Variants in RBMS1 observed in about 807,000 individuals in gnomAD.
The protein encoded by RBMS1 is RNA binding motif single stranded interacting protein 1, also known as RNA-binding motif, single-stranded-interacting protein 1.
Under a neutral mutation model 62.3 loss-of-function variants are expected in RBMS1, and 17 were observed. The observed-to-expected ratio is 0.27, with a 90% confidence interval of 0.19 to 0.41. The LOEUF is 0.41. Ranked by LOEUF, RBMS1 falls within the 10% of genes least tolerant of loss-of-function variation. RBMS1 has a pLI of 1.00. For synonymous variants in RBMS1, 172 were observed against 170.0 expected (o/e 1.01, Z -0.09); for missense variants, 334 against 504.5 (o/e 0.66, Z 3.24).
chr2:160,319,860 T>C (rs1273853905), intron 2 of RBMS1, among the ~76,000 whole-genome samples: 1 of 152,198 alleles, frequency 6.6e-6, no homozygotes, highest in East Asian at 1.9e-4. Flanking sequence ...GTTCACTCTG[T>C]GTAATCATGT....
At chr2:160,405,308 T>G (rs1370728619) in intron 1 of RBMS1, among the ~76,000 whole-genome samples, 1 of 152,098 alleles carries the variant, frequency 6.6e-6, no homozygotes, top group Non-Finnish European at 1.5e-5. Context: ...CAGCTGATTA[T>G]GTATTTCTAG....
chr2:160,338,982 G>A (rs1691724127), intron 2 of RBMS1, among the ~76,000 whole-genome samples: 1 of 152,170 alleles, frequency 6.6e-6, no homozygotes, highest in Non-Finnish European at 1.5e-5. Flanking sequence ...TTTATGAACA[G>A]AGAACACTGA....
At chr2:160,300,551 GAA>G in intron 6 of RBMS1, 98 bp downstream of exon 6, 2 of 1,380,410 alleles carry the variant, frequency 1.4e-6, no homozygotes, top group Non-Finnish European at 1.9e-6. Context: ...CTTAAAGAGT[GAA>G]ATGAGGGGTT....
At chr2:160,353,292 A>T (rs551856436) in intron 2 of RBMS1, among the ~76,000 whole-genome samples, 1 of 152,194 alleles carries the variant, frequency 6.6e-6, no homozygotes, top group East Asian at 1.9e-4. Flanking sequence ...TCTCTTAAAC[A>T]TGTCAGGAGA....
At position 160,273,585 on chromosome 2, in the gene RBMS1, C is replaced by CA. The variant is rs1687680199; in HGVS notation, c.*1186_*1187insT. 1 of 152,142 alleles carries CA rather than the reference C, an allele frequency of 6.6e-6. No homozygotes were observed. The allele number at this position is 152,142 out of a possible 1,614,324, so 9.4% of individuals were successfully genotyped here. On this transcript the variant is annotated 3_prime_UTR_variant, in exon 14 of 14. Coordinates refer to ENST00000348849, the MANE Select transcript of RBMS1 (RefSeq NM_016836.4). The stretch of plus-strand genomic sequence containing the variant: ...GCTTATGTTTGAAGATAAATCCTTA[C>CA]TTTTAGCTTTTGCCACTTTGTTGCA...
chr2:160,422,717 A>G (rs1185632676), intron 1 of RBMS1, among the ~76,000 whole-genome samples: 2 of 150,912 alleles, frequency 1.3e-5, no homozygotes, highest in African/African-American at 2.4e-5. Flanking sequence ...AGTGCCTGGT[A>G]TTCATAGCCC....
intron 9 of RBMS1, chr2:160,282,981 G>A (rs1688182789): frequency 1.3e-5 from 2 of 152,148 alleles, no homozygotes; most frequent in African/African-American, 2.4e-5. Flanking sequence ...AGAATGCCCA[G>A]GAGAGGAAAT....
chr2:160,305,601 A>G (rs1315218750), intron 4 of RBMS1, among the ~76,000 whole-genome samples: 1 of 152,160 alleles, frequency 6.6e-6, no homozygotes, highest in African/African-American at 2.4e-5. Context: ...TAAGCAACAC[A>G]TGATTGCACA....
intron 2 of RBMS1, among the ~76,000 whole-genome samples, chr2:160,344,502 T>C: frequency 6.6e-6 from 1 of 152,174 alleles, no homozygotes; most frequent in African/African-American, 2.4e-5. Context: ...AGAAGTTGTT[T>C]CATTCTTAAT....
At chr2:160,373,277 G>A (rs138805996) in intron 1 of RBMS1, among the ~76,000 whole-genome samples, 133 of 152,296 alleles carry the variant, frequency 8.7e-4, no homozygotes, top group African/African-American at 3.2e-3. Context: ...ATGTAAAACT[G>A]CAATCTCCAC....
chr2:160,351,716 A>G (rs927913379), intron 2 of RBMS1, among the ~76,000 whole-genome samples: 1 of 152,124 alleles, frequency 6.6e-6, no homozygotes, highest in Admixed American at 6.6e-5. Flanking sequence ...CCATTAAGAG[A>G]AGGGACCAGA....
intron 1 of RBMS1, among the ~76,000 whole-genome samples, chr2:160,398,760 A>G (rs1695279910): frequency 6.6e-6 from 1 of 152,312 alleles, no homozygotes; most frequent in Admixed American, 6.5e-5. Context: ...CCCCAGAGCA[A>G]AAAAGGTTGC....
At chr2:160,485,933 A>G (rs1685583598) in intron 1 of RBMS1, among the ~76,000 whole-genome samples, 2 of 152,146 alleles carry the variant, frequency 1.3e-5, no homozygotes, top group Admixed American at 1.3e-4. Flanking sequence ...TTCTTTTTAT[A>G]AATGTCTGCA....
chr2:160,472,917 T>A (rs944877801), intron 1 of RBMS1, among the ~76,000 whole-genome samples: 1 of 152,234 alleles, frequency 6.6e-6, no homozygotes, highest in African/African-American at 2.4e-5. Flanking sequence ...GTTCCAAGAA[T>A]GACTATCATG....
At chr2:160,291,094 GTCC>G (rs918136301) in intron 6 of RBMS1, among the ~76,000 whole-genome samples, 13 of 152,192 alleles carry the variant, frequency 8.5e-5, no homozygotes, top group African/African-American at 2.9e-4. Flanking sequence ...AGATCTGCAA[GTCC>G]TCCTCACTTA....
At chr2:160,354,011 A>G (rs1559430949) in intron 2 of RBMS1, among the ~76,000 whole-genome samples, 3 of 152,080 alleles carry the variant, frequency 2.0e-5, no homozygotes, top group Non-Finnish European at 4.4e-5. Context: ...AGGCGGGGCC[A>G]GGTGGAAAGC....
At chr2:160,323,471 CT>C (rs1413934551) in intron 2 of RBMS1, among the ~76,000 whole-genome samples, 1 of 151,574 alleles carries the variant, frequency 6.6e-6, no homozygotes, top group Non-Finnish European at 1.5e-5. Flanking sequence ...GTGAGACCCC[CT>C]GTTTAAAAAA....
intron 1 of RBMS1, among the ~76,000 whole-genome samples, chr2:160,436,656 C>T (rs1683122613): frequency 6.6e-6 from 1 of 151,876 alleles, no homozygotes; most frequent in African/African-American, 2.4e-5. Context: ...AGTAATCTCT[C>T]TTTCTCTCAT....
At chr2:160,419,475 G>A (rs947755028) in intron 1 of RBMS1, among the ~76,000 whole-genome samples, 9 of 152,106 alleles carry the variant, frequency 5.9e-5, no homozygotes, top group Non-Finnish European at 1.0e-4. Context: ...AACTCTTGTA[G>A]TTCAAAATCA....
Sources: allele counts gnomAD v4.1 joint callset (sites outside exome capture counted in the v4.1 genomes callset), GRCh38; gene constraint gnomAD v4.1.1; transcripts MANE v1.5; gene names NCBI Gene and HGNC (gene_info 2026-07-23, HGNC 2026-07-21).